Variants in CTNNA3 observed in about 807,000 individuals in gnomAD.
The protein encoded by CTNNA3 is catenin alpha 3, also known as catenin alpha-3.
A neutral mutation model predicts 95.7 loss-of-function variants in CTNNA3; 76 were observed. The observed-to-expected ratio is 0.79, with a 90% CI of 0.66 to 0.96. The LOEUF is 0.96. Ranked by LOEUF, CTNNA3 falls within the 40% of genes least tolerant of loss-of-function variation. CTNNA3 has a pLI of 0.00. For synonymous variants in CTNNA3, 431 were observed against 374.4 expected, an observed-to-expected ratio of 1.15 and a Z score of -1.74; for missense variants, 1,191 against 1,089.8, an observed-to-expected ratio of 1.09 and a Z score of -1.31.
intron 9 of CTNNA3, among the ~76,000 whole-genome samples, chr10:66,687,895 G>A (rs1206761107): frequency 6.6e-6 from 1 of 151,940 alleles, no homozygotes; most frequent in East Asian, 1.9e-4. Context: ...AAATGATATT[G>A]AGGTCAATTA....
intron 11 of CTNNA3, among the ~76,000 whole-genome samples, chr10:66,491,875 T>G (rs1010906143): frequency 1.3e-5 from 2 of 152,176 alleles, no homozygotes; most frequent in Non-Finnish European, 2.9e-5. Context: ...GTGGCCATGA[T>G]ATCAGTCTCT....
At chr10:66,228,687 T>A (rs141536122) in intron 13 of CTNNA3, among the ~76,000 whole-genome samples, 64 of 152,262 alleles carry the variant, frequency 4.2e-4, no homozygotes, top group African/African-American at 1.2e-3. Flanking sequence ...GTTTGATGTT[T>A]CTTTGATTTT....
chr10:65,996,701 G>A (rs2078668606), intron 15 of CTNNA3, among the ~76,000 whole-genome samples: 1 of 152,146 alleles, frequency 6.6e-6, no homozygotes, highest in South Asian at 2.1e-4. Flanking sequence ...AGGATTGCAG[G>A]AGCCCATCAT....
chr10:67,150,656 G>A (rs1308710021), intron 7 of CTNNA3, among the ~76,000 whole-genome samples: 1 of 152,176 alleles, frequency 6.6e-6, no homozygotes, highest in East Asian at 1.9e-4. Context: ...TTCAACAGCT[G>A]TAAGAACATT....
rs376007065 is a variant in CTNNA3, at chr10:67,196,002, C to T, written c.844-15482G>A. On this transcript the variant is annotated intron_variant, in intron 6 of 17. Transcript: ENST00000433211. ...AGTACCAACATTCTTCACAAAAACACATGCTATGCTTCACGTTGAGAGCAG... is the reference window on the plus strand; with the variant it reads ...AGTACCAACATTCTTCACAAAAACATATGCTATGCTTCACGTTGAGAGCAG... Among the ~76,000 whole-genome samples the T allele has an allele frequency of 1.3e-3, 196 of 152,032 alleles. 2 individuals carry two copies. The highest frequency in any genetic ancestry group is 4.7e-3 in the African/African-American group (193 of 41,444).
At chr10:66,235,975 C>G (rs74748997) in intron 13 of CTNNA3, among the ~76,000 whole-genome samples, 1 of 152,110 alleles carries the variant, frequency 6.6e-6, no homozygotes, top group Admixed American at 6.5e-5. Context: ...TTGACACATC[C>G]ATTTCCCATT....
chr10:67,010,960 T>C (rs1852288084), intron 7 of CTNNA3, among the ~76,000 whole-genome samples: 1 of 152,088 alleles, frequency 6.6e-6, no homozygotes, highest in Admixed American at 6.5e-5. Flanking sequence ...TAGACAACTA[T>C]AATATAATAG....
At chr10:67,523,841 C>T (rs1275581655) in intron 4 of CTNNA3, among the ~76,000 whole-genome samples, 2 of 151,916 alleles carry the variant, frequency 1.3e-5, no homozygotes. Context: ...TGTGCCTTGC[C>T]CATTTCTTGG....
intron 7 of CTNNA3, among the ~76,000 whole-genome samples, chr10:66,977,955 C>T (rs1850143795): frequency 6.6e-6 from 1 of 151,972 alleles, no homozygotes; most frequent in South Asian, 2.1e-4. Context: ...AAAAATGACA[C>T]TTAGTCAAAC....
At chr10:67,432,589 A>G (rs1846146729) in intron 5 of CTNNA3, among the ~76,000 whole-genome samples, 1 of 151,876 alleles carries the variant, frequency 6.6e-6, no homozygotes. Flanking sequence ...TTTCTCCTCT[A>G]TGTGCCTGTG....
chr10:66,927,014 G>A lies in CTNNA3; in HGVS notation c.1048-151490C>T. On this transcript the variant is annotated intron_variant, in intron 7 of 17. Coordinates refer to ENST00000433211, the MANE Select transcript of CTNNA3 (RefSeq NM_013266.4). The surrounding 1 kb of genome is among the most constrained non-coding windows in gnomAD (Gnocchi z 4.7). ...ACAATGCTTTCTTCTGCCGAACGAG[G>A]ATGCCCTAAGGGCTGTAGGTGTGAA... 6.2e-7 allele frequency: 1 copy of A among 1,614,112 alleles called. No homozygotes were observed. Among genetic ancestry groups the A allele is most frequent in the Non-Finnish European group, 8.5e-7 (1 of 1,180,030 alleles).
At chr10:66,130,778 C>A (rs1245112611) in intron 13 of CTNNA3, among the ~76,000 whole-genome samples, 2 of 151,456 alleles carry the variant, frequency 1.3e-5, no homozygotes, top group Non-Finnish European at 2.9e-5. Flanking sequence ...ATTGCTTGAA[C>A]CCGGGAGGTG....
intron 7 of CTNNA3, among the ~76,000 whole-genome samples, chr10:66,965,361 C>G (rs774308998): frequency 6.6e-6 from 1 of 151,684 alleles, no homozygotes; most frequent in Non-Finnish European, 1.5e-5. Flanking sequence ...ATGGTGAAAC[C>G]CTGTCTCTAC....
At chr10:67,703,204 G>A (rs1397507838) in intron 1 of CTNNA3, among the ~76,000 whole-genome samples, 2 of 152,138 alleles carry the variant, frequency 1.3e-5, no homozygotes, top group Non-Finnish European at 2.9e-5. Context: ...GGTACAAACA[G>A]GAGCTGGTAC....
chr10:66,487,181 A>ATATTTTTTTTTTTTTTTTTTTT (rs1839762169), intron 11 of CTNNA3, among the ~76,000 whole-genome samples: 1 of 45,946 alleles, frequency 2.2e-5, no homozygotes, highest in African/African-American at 9.0e-5. Flanking sequence ...AAAAGGGCAG[A>ATATTTTTTTTTTTTTTTTTTTT]TTTTTTTTTT....
rs1188268098 is a variant in CTNNA3 at position 66,804,562 on chromosome 10, G to C, written c.1048-29038C>G. Among the ~76,000 whole-genome samples the C allele has an allele frequency of 4.6e-5, 7 of 152,132 alleles. No individual in the cohort carries two copies. The South Asian group carries it at 1.0e-3, about 23-fold the overall frequency. ...CTTTGAACAATCTCTGAGAAGACTA[G>C]TGAAAAGATGATCCTTCCTTTCCTA... On this transcript the variant is annotated intron_variant, in intron 7 of 17. Transcript: ENST00000433211.
At chr10:66,760,122 T>C (rs994204676) in intron 9 of CTNNA3, among the ~76,000 whole-genome samples, 1 of 152,150 alleles carries the variant, frequency 6.6e-6, no homozygotes, top group African/African-American at 2.4e-5. Flanking sequence ...CAATCTATGT[T>C]TGTGAGATTA....
At chr10:67,020,266 G>C (rs1852920251) in intron 7 of CTNNA3, among the ~76,000 whole-genome samples, 1 of 152,172 alleles carries the variant, frequency 6.6e-6, no homozygotes, top group South Asian at 2.1e-4. Context: ...TATTATGTGG[G>C]AGGGGAAGCA....
chr10:67,509,564 GC>G (rs756633574), intron 5 of CTNNA3, among the ~76,000 whole-genome samples: 1 of 152,110 alleles, frequency 6.6e-6, no homozygotes, highest in Non-Finnish European at 1.5e-5. Flanking sequence ...GTGTATATAT[GC>G]CACATTTTCT....
Sources: gnomAD v4.1 joint callset for allele counts (sites outside exome capture counted in the v4.1 genomes callset) on GRCh38, gnomAD v4.1.1 for gene constraint, Gnocchi (gnomAD v3.1) non-coding constraint, MANE v1.5 for transcripts, NCBI Gene and HGNC (gene_info 2026-07-23, HGNC 2026-07-21) for gene names.